Variants in ERC1 observed in about 807,000 individuals in gnomAD.
The protein encoded by ERC1 is RAB6 interacting protein 2.
Under a neutral mutation model 132.0 loss-of-function variants are expected in ERC1, and 56 were observed. That is an observed-to-expected ratio of 0.42 (90% CI 0.34 to 0.53). The LOEUF (loss-of-function observed/expected upper bound fraction) is 0.53. Among genes scored for constraint, ERC1 ranks in the 20% least tolerant of loss-of-function variants. The pLI is 0.03. For synonymous variants in ERC1, 478 were observed against 476.1 expected, an observed-to-expected ratio of 1.00 and a Z score of -0.05; for missense variants, 1,202 against 1,349.9, an observed-to-expected ratio of 0.89 and a Z score of 1.72.
intron 14 of ERC1, among the ~76,000 whole-genome samples, chr12:1,273,811 A>G (rs755791532): frequency 5.3e-5 from 8 of 152,254 alleles, no homozygotes; most frequent in Non-Finnish European, 8.8e-5. Context: ...ATCTACATAT[A>G]CATAGTTAGT....
chr12:1,242,250 C>G (rs1340770226), intron 13 of ERC1, among the ~76,000 whole-genome samples: 1 of 152,078 alleles, frequency 6.6e-6, no homozygotes, highest in African/African-American at 2.4e-5. Flanking sequence ...TTTCAACAAC[C>G]TTTGAAACAT....
intron 6 of ERC1, among the ~76,000 whole-genome samples, chr12:1,112,892 A>G (rs546404650): frequency 2.0e-4 from 31 of 152,360 alleles, no homozygotes; most frequent in African/African-American, 6.7e-4. Context: ...AATTCAGAAC[A>G]TAATAATAAA....
At chr12:1,215,503 A>G (rs928800571) in intron 12 of ERC1, among the ~76,000 whole-genome samples, 4 of 152,174 alleles carry the variant, frequency 2.6e-5, no homozygotes, top group Non-Finnish European at 5.9e-5. Flanking sequence ...CTCTAGATCT[A>G]ATATTTGCAT....
chr12:1,221,347 C>T (rs1050755427), intron 12 of ERC1, among the ~76,000 whole-genome samples: 1 of 152,038 alleles, frequency 6.6e-6, no homozygotes, highest in African/African-American at 2.4e-5. Context: ...TGTATAAAAT[C>T]GGGTCCTTGT....
In ERC1 at chr12:1,446,542, CT is replaced by C. The variant is rs1312142143; in HGVS notation, c.3213+1795del. Among the ~76,000 whole-genome samples, 4 of 152,278 alleles carry C rather than the reference CT, an allele frequency of 2.6e-5. No individual in the cohort carries two copies. In the South Asian group the frequency reaches 6.2e-4, roughly 24 times the overall value. ...GCTACTTACTATTTCTAGCTAAATACTTTCTATTTCTTAAATATTGTTTGTT... is the reference window on the plus strand; with the variant it reads ...GCTACTTACTATTTCTAGCTAAATACTTCTATTTCTTAAATATTGTTTGTT... On this transcript the variant is annotated intron_variant, in intron 18 of 18. Transcript: ENST00000360905.
intron 16 of ERC1, among the ~76,000 whole-genome samples, chr12:1,382,540 T>C (rs1381178342): frequency 6.6e-6 from 1 of 152,276 alleles, no homozygotes; most frequent in Non-Finnish European, 1.5e-5. Context: ...GATTTAATTG[T>C]GTTTGTTTTA....
chr12:1,490,687 T>C lies in ERC1; in HGVS notation c.*457T>C, dbSNP rs1013085581. ...TAATATCACAATAGGTGCTTTCTCC[T>C]AAAAGGGCAAAAAACAATCTCAAAA... On this transcript the variant is annotated 3_prime_UTR_variant, in exon 19 of 19. Transcript: ENST00000360905. 5 of 209,962 alleles carry C rather than the reference T, an allele frequency of 2.4e-5. No individual in the cohort carries two copies. Among genetic ancestry groups the C allele is most frequent in the Non-Finnish European group, 4.8e-5 (5 of 103,688 alleles). 13.0% of individuals were successfully genotyped at this position (209,962 alleles called of 1,614,324 possible).
intron 2 of ERC1, among the ~76,000 whole-genome samples, chr12:1,069,251 TTAGA>T (rs1939877040): frequency 6.6e-6 from 1 of 152,204 alleles, no homozygotes; most frequent in Non-Finnish European, 1.5e-5. Context: ...TCAAGGTTCC[TTAGA>T]TAGAAGCATT....
At chr12:1,394,122 C>T (rs367634240) in intron 16 of ERC1, among the ~76,000 whole-genome samples, 20 of 151,340 alleles carry the variant, frequency 1.3e-4, no homozygotes, top group African/African-American at 2.7e-4. Flanking sequence ...CTTTTTAGGC[C>T]GGGCACAGTG....
At chr12:1,352,204 A>G (rs1014416401) in intron 15 of ERC1, among the ~76,000 whole-genome samples, 3 of 152,164 alleles carry the variant, frequency 2.0e-5, no homozygotes, top group African/African-American at 7.2e-5. Context: ...GAGCTTTCTC[A>G]GGATAGCATT....
rs536893073 is a variant in ERC1, at chr12:1,251,481, C to T, written c.2488-11553C>T. ...GTGTTCTTAATGAATATTAGAGTAA[C>T]GGATCACAATGGAAAAGTGTGCATA... On this transcript the variant is annotated intron_variant, in intron 13 of 18. Transcript: ENST00000360905. Among the ~76,000 whole-genome samples, 92 of 152,000 alleles carry T rather than the reference C, an allele frequency of 6.1e-4. 1 individual carries two copies. The highest frequency in any genetic ancestry group is 2.1e-3 in the African/African-American group (88 of 41,460).
At chr12:1,246,076 G>C (rs968467850) in intron 13 of ERC1, among the ~76,000 whole-genome samples, 8 of 152,012 alleles carry the variant, frequency 5.3e-5, no homozygotes, top group African/African-American at 1.9e-4. Flanking sequence ...AGGCCTCAAA[G>C]TGATTTTTTT....
chr12:1,280,776 C>T (rs1230303137), intron 14 of ERC1, among the ~76,000 whole-genome samples: 4 of 152,194 alleles, frequency 2.6e-5, no homozygotes, highest in African/African-American at 7.2e-5. Context: ...CACGCACTTA[C>T]GTGATGTTTA....
At chr12:1,168,250 A>G (rs1278414756) in intron 8 of ERC1, among the ~76,000 whole-genome samples, 2 of 152,032 alleles carry the variant, frequency 1.3e-5, no homozygotes, top group African/African-American at 4.8e-5. Flanking sequence ...TGCTGCAAGG[A>G]ACTAAGACTA....
intron 15 of ERC1, among the ~76,000 whole-genome samples, chr12:1,324,657 G>A (rs756098549): frequency 6.6e-6 from 1 of 152,268 alleles, no homozygotes; most frequent in Non-Finnish European, 1.5e-5. Context: ...TGGTATGACA[G>A]ATTAGACCTT....
At chr12:1,278,537 C>G (rs538136433) in intron 14 of ERC1, among the ~76,000 whole-genome samples, 1 of 152,144 alleles carries the variant, frequency 6.6e-6, no homozygotes, top group Non-Finnish European at 1.5e-5. Context: ...GTTTTTAAAA[C>G]CTTCCATTTC....
intron 2 of ERC1, among the ~76,000 whole-genome samples, chr12:1,032,703 G>T (rs779883095): frequency 3.3e-5 from 5 of 152,190 alleles, no homozygotes; most frequent in Admixed American, 6.5e-5. Flanking sequence ...GCAGAGCAGA[G>T]AAGTACATTT....
intron 12 of ERC1, among the ~76,000 whole-genome samples, chr12:1,207,217 A>G (rs886190146): frequency 2.0e-5 from 3 of 152,196 alleles, no homozygotes; most frequent in Non-Finnish European, 4.4e-5. Context: ...AAGAAAAGGC[A>G]CTATACTAGT....
intron 1 of ERC1, among the ~76,000 whole-genome samples, chr12:1,007,869 A>G (rs767345476): frequency 2.6e-5 from 4 of 152,150 alleles, no homozygotes; most frequent in Non-Finnish European, 4.4e-5. Context: ...CAAGCAGAAA[A>G]TAATATCTGG....
Sources: allele counts gnomAD v4.1 joint callset (sites outside exome capture counted in the v4.1 genomes callset), GRCh38; gene constraint gnomAD v4.1.1; transcripts MANE v1.5; gene names NCBI Gene and HGNC (gene_info 2026-07-23, HGNC 2026-07-21).